ZBTB48: variants seen among roughly 807,000 people sequenced by gnomAD.
The protein encoded by ZBTB48 is zinc finger and BTB domain containing 48, also known as zinc finger and BTB domain-containing protein 48.
Under a neutral mutation model 64.5 loss-of-function variants are expected in ZBTB48, and 35 were observed. The observed-to-expected ratio is 0.54, with a 90% CI of 0.41 to 0.72. The LOEUF is 0.72. Among genes scored for constraint, ZBTB48 ranks in the 30% least tolerant of loss-of-function variants. ZBTB48 has a pLI of 0.00. For synonymous variants in ZBTB48, 442 were observed against 356.7 expected, an observed-to-expected ratio of 1.24 and a Z score of -2.70; for missense variants, 828 against 895.3, an observed-to-expected ratio of 0.92 and a Z score of 0.96.
rs1380956745 is a variant in ZBTB48 at position 6,580,885 on chromosome 1, G to C, written c.276G>C (p.Arg92=). The part of the protein sequence containing the change: ...TGHLALTSGN[R]DQVLLAAREL... ...ACCTCGCTCTCACCTCAGGGAACCG[G>C]GATCAGGTGCTCCTGGCAGCCAGGG... The change falls in exon 2 of 11, where the codon CGG becomes CGC. Residue 92 remains arginine, a synonymous_variant. Transcript: ENST00000377674. The surrounding 1 kb of genome is among the most constrained non-coding windows in gnomAD (Gnocchi z 5.2). 5 of 1,614,020 alleles carry C rather than the reference G, an allele frequency of 3.1e-6. No homozygotes were observed. In the African/African-American group the frequency reaches 5.3e-5, roughly 17 times the overall value.
At chr1:6,586,587 C>A in intron 4 of ZBTB48, 108 bp from the exon 5 acceptor site, 3 of 1,402,156 alleles carry the variant, frequency 2.1e-6, no homozygotes, top group Non-Finnish European at 2.8e-6. Flanking sequence ...CGTCCCCACC[C>A]TCCCCAGGCA....
rs376009435 is a variant in ZBTB48, at chr1:6,585,890, C to A, written c.933-29C>A. On this transcript the variant is annotated intron_variant, in intron 3 of 10. Transcript: ENST00000377674. ...GGGAGAGATGGGAAACCCTCTCAGC[C>A]CCCCCACCCCTGTGGCTTCTCCTGG... 69 of 1,604,562 alleles carry A rather than the reference C, an allele frequency of 4.3e-5. 3 individuals are homozygous for A. Among genetic ancestry groups the A allele is most frequent in the South Asian group, 1.9e-4 (17 of 90,744 alleles).
chr1:6,587,157 T>A, intron 5 of ZBTB48, 48 bp from the exon 6 acceptor site: 1 of 1,606,564 alleles, frequency 6.2e-7, no homozygotes, highest in East Asian at 2.2e-5. Context: ...GTGGCAGGGT[T>A]TCATGGGTGC....
At chr1:6,586,826 C>T (rs533494239) in intron 5 of ZBTB48, 39 bp downstream of exon 5, 1 of 1,590,252 alleles carries the variant, frequency 6.3e-7, no homozygotes, top group Non-Finnish European at 8.6e-7. Context: ...GGTTGGGTGG[C>T]CCCAGGATCC....
intron 3 of ZBTB48, among the ~76,000 whole-genome samples, chr1:6,583,139 T>C (rs903888347): frequency 7.2e-5 from 11 of 151,886 alleles, no homozygotes; most frequent in Admixed American, 2.6e-4. Context: ...TACAGGCACA[T>C]GCCACCACAC....
intron 2 of ZBTB48, 133 bp downstream of exon 2, chr1:6,581,432 G>T (rs939992513): frequency 5.0e-6 from 5 of 1,006,268 alleles, no homozygotes; most frequent in Non-Finnish European, 7.0e-6. Context: ...GAGGCCAAGG[G>T]GGGTGGATCA....
intron 9 of ZBTB48, 150 bp from the exon 10 acceptor site, chr1:6,588,606 C>T: frequency 1.4e-6 from 2 of 1,441,644 alleles, no homozygotes; most frequent in Non-Finnish European, 1.9e-6. Flanking sequence ...CAGTAGTGAC[C>T]CTGGGTGGCA....
rs538493850 is a variant in ZBTB48, at chr1:6,583,853, CACT to C, written c.932+1557_932+1559del. Among the ~76,000 whole-genome samples, 77 of 148,990 alleles carry C rather than the reference CACT, an allele frequency of 5.2e-4. 1 individual carries two copies. Among genetic ancestry groups the C allele is most frequent in the African/African-American group, 1.8e-3 (72 of 40,354 alleles). On this transcript the variant is annotated intron_variant, in intron 3 of 10. Coordinates refer to ENST00000377674, the MANE Select transcript of ZBTB48 (RefSeq NM_005341.4). ...GGAGTGTGGTGGCTCCGTCTAAGCT[CACT>C]ACAACCTCTGCCTCCCAGGTTCAAG...
chr1:6,581,328 G>A, intron 2 of ZBTB48, 29 bp downstream of exon 2: 1 of 1,544,384 alleles, frequency 6.5e-7, no homozygotes, highest in South Asian at 1.2e-5. Flanking sequence ...TGGGACTGGG[G>A]AGACAAATAG....
intron 7 of ZBTB48, 27 bp from the exon 8 acceptor site, chr1:6,588,033 C>A: frequency 5.0e-6 from 8 of 1,613,506 alleles, no homozygotes; most frequent in Non-Finnish European, 6.8e-6. Context: ...TGGTGATGGC[C>A]TCTGCCCCAT....
intron 4 of ZBTB48, 83 bp downstream of exon 4, chr1:6,586,113 G>T (rs1640657146): frequency 7.3e-7 from 1 of 1,369,540 alleles, no homozygotes; most frequent in Non-Finnish European, 1.0e-6. Context: ...GGCCCCAGGA[G>T]ACTGTCTGAG....
chr1:6,588,285 G>A lies in ZBTB48; in HGVS notation c.1524G>A (p.Leu508=), dbSNP rs1347034784. 6.2e-7 allele frequency: 1 copy of A among 1,608,142 alleles called. No individual in the cohort carries two copies. Among genetic ancestry groups the A allele is most frequent in the East Asian group, 2.2e-5 (1 of 44,726 alleles). ...CTTGCCTTGTGCCTGCAGCCAGCCTGGACAAGCACAACCGCACCCACACCG... is the reference window on the plus strand; with the variant it reads ...CTTGCCTTGTGCCTGCAGCCAGCCTAGACAAGCACAACCGCACCCACACCG... ...CGKTFRTQAS[L]DKHNRTHTGE... is the part of the protein sequence containing the mutation. The change falls in exon 9 of 11, where the codon CTG becomes CTA. Residue 508 remains leucine (L), a synonymous_variant. Coordinates refer to ENST00000377674, the MANE Select transcript of ZBTB48 (RefSeq NM_005341.4).
At position 6,582,146 on chromosome 1, in the gene ZBTB48, T is replaced by A; in HGVS notation, c.779T>A (p.Val260Glu). 6.2e-7 allele frequency: 1 copy of A among 1,614,192 alleles called. No individual in the cohort carries two copies. The highest frequency in any genetic ancestry group is 8.5e-7 in the Non-Finnish European group (1 of 1,180,036). The stretch of plus-strand genomic sequence containing the variant: ...GTGCTGACCAGGAGGAAGTCAAATG[T>A]AATCCGAAAGCCCTGTGCAGCTGAG... Reference protein sequence around the residue: ...EAVLTRRKSNVIRKPCAAEPA... With the variant: ...EAVLTRRKSNEIRKPCAAEPA... The change falls in exon 3 of 11, where the codon GTA (valine) becomes GAA (glutamate). Residue 260 changes from valine (V) to glutamate (E), a missense_variant. Transcript: ENST00000377674.
At position 6,581,483 on chromosome 1, in the gene ZBTB48, G is replaced by A. The variant is rs188726515; in HGVS notation, c.690+184G>A. Among the ~76,000 whole-genome samples the A allele has an allele frequency of 2.3e-3, 356 of 152,088 alleles. 3 individuals carry two copies. The highest frequency in any genetic ancestry group is 8.2e-3 in the African/African-American group (341 of 41,504). ...TCGAGACCAGCCTGGGCAACATGGC[G>A]AGGCCTCATTTGTACAAAGACTATA... On this transcript the variant is annotated intron_variant, in intron 2 of 10. Coordinates refer to ENST00000377674, the MANE Select transcript of ZBTB48 (RefSeq NM_005341.4).
intron 5 of ZBTB48, 193 bp downstream of exon 5, chr1:6,586,980 C>A (rs563576941): frequency 3.3e-5 from 28 of 857,576 alleles, no homozygotes; most frequent in Non-Finnish European, 5.0e-5. Flanking sequence ...CCTCCAAGGT[C>A]CTTATTAGGC....
At position 6,588,167 on chromosome 1, in the gene ZBTB48, A is replaced by C; in HGVS notation, c.1487A>C (p.His496Pro). 6.2e-7 allele frequency: 1 copy of C among 1,613,976 alleles called. No individual in the cohort carries two copies. The highest frequency in any genetic ancestry group is 8.5e-7 in the Non-Finnish European group (1 of 1,179,982). The change falls in exon 8 of 11, where the codon CAC (histidine) becomes CCC (proline). Residue 496 changes from histidine (H) to proline (P), a missense_variant. His to Pro is a moderately conservative substitution (Grantham distance 77, BLOSUM62 -2). Transcript: ENST00000377674. ...THTGEKPFQC[H>P]LCGKTFRTQA... ...ACGGGTGAGAAGCCCTTCCAGTGCC[A>C]CCTCTGTGGCAAGACCTTCCGAACC...
At position 6,586,806 on chromosome 1, in the gene ZBTB48, C is replaced by G. The variant is rs1187522527; in HGVS notation, c.1137+19C>G. The G allele has an allele frequency of 6.2e-7, 1 of 1,604,464 alleles. No homozygotes were observed. Among genetic ancestry groups the G allele is most frequent in the Admixed American group, 1.7e-5 (1 of 58,922 alleles). Reference sequence around the variant, plus strand: ...CTACAAGGTCAGGCTTGGCCTGTCTCCAGGGCCAGGGTTGGGTGGCCCCAG... The same window carrying G: ...CTACAAGGTCAGGCTTGGCCTGTCTGCAGGGCCAGGGTTGGGTGGCCCCAG... On this transcript the variant is annotated intron_variant, in intron 5 of 10. Coordinates refer to ENST00000377674, the MANE Select transcript of ZBTB48 (RefSeq NM_005341.4).
At position 6,582,082 on chromosome 1, in the gene ZBTB48, G is replaced by T; in HGVS notation, c.715G>T (p.Asp239Tyr). 13 of 1,614,152 alleles carry T rather than the reference G, an allele frequency of 8.1e-6. No homozygotes were observed. Among genetic ancestry groups the T allele is most frequent in the Non-Finnish European group, 1.1e-5 (13 of 1,180,012 alleles). ...GTGGGAAGTGGTGGTTCAAGTGGAG[G>T]ATGATGGGGATGGCGATTACATGTC... The part of the protein sequence containing the change: ...NEWEVVVQVE[D>Y]DGDGDYMSEP... Residue 239 changes from aspartate (D) to tyrosine (Y), a missense_variant, in exon 3 of 11, where the codon GAT (aspartate) becomes TAT (tyrosine). Transcript: ENST00000377674.
Position 6,580,897 on chromosome 1 carries a change from C to T in ZBTB48, c.288C>T (p.Leu96=). ...ALTSGNRDQV[L]LAARELRVPE... is the part of the protein sequence containing the mutation. ...CCTCAGGGAACCGGGATCAGGTGCT[C>T]CTGGCAGCCAGGGAGTTGCGAGTGC... Residue 96 remains leucine, a synonymous_variant, in exon 2 of 11, where the codon CTC becomes CTT. Coordinates refer to ENST00000377674, the MANE Select transcript of ZBTB48 (RefSeq NM_005341.4). This position sits in a 1 kb window ranked among gnomAD's most constrained non-coding sequence, Gnocchi z 5.2. 6.2e-7 allele frequency: 1 copy of T among 1,614,128 alleles called. No individual in the cohort carries two copies. The highest frequency in any genetic ancestry group is 1.1e-5 in the South Asian group (1 of 91,082).
Sources: allele counts gnomAD v4.1 joint callset (sites outside exome capture counted in the v4.1 genomes callset), GRCh38; gene constraint gnomAD v4.1.1; non-coding constraint Gnocchi (gnomAD v3.1); transcripts MANE v1.5; gene names NCBI Gene and HGNC (gene_info 2026-07-23, HGNC 2026-07-21).